ZBTB38: variants seen among roughly 807,000 people sequenced by gnomAD.
ZBTB38 encodes the protein zinc finger and BTB domain-containing protein 38.
A neutral mutation model predicts 76.8 loss-of-function variants in ZBTB38; 20 were observed. That is an observed-to-expected ratio of 0.26 (90% CI 0.18 to 0.38). The LOEUF is 0.38. Among genes scored for constraint, ZBTB38 ranks in the 10% least tolerant of loss-of-function variants. The pLI, the probability that ZBTB38 is intolerant of heterozygous loss-of-function variation, is 1.00. For synonymous variants in ZBTB38, 504 were observed against 544.2 expected (o/e 0.93, Z 1.03); for missense variants, 1,082 against 1,482.3 (o/e 0.73, Z 4.43).
At chr3:141,418,484 T>A (rs1469926614) in intron 5 of ZBTB38, among the ~76,000 whole-genome samples, 1 of 152,166 alleles carries the variant, frequency 6.6e-6, no homozygotes, top group Non-Finnish European at 1.5e-5. Context: ...GGATGCCCCA[T>A]CAGTGAAGCA....
chr3:141,341,125 A>G (rs1943186315), intron 1 of ZBTB38, among the ~76,000 whole-genome samples: 2 of 152,204 alleles, frequency 1.3e-5, no homozygotes, highest in South Asian at 4.1e-4. Context: ...ATCCTCTATG[A>G]TGGCTATAAT....
intron 4 of ZBTB38, among the ~76,000 whole-genome samples, chr3:141,398,051 C>T (rs946326521): frequency 9.9e-5 from 15 of 152,284 alleles, no homozygotes; most frequent in South Asian, 8.3e-4. Flanking sequence ...TGCAATAAAA[C>T]GAGCTATGTT....
rs574600051 is a variant in ZBTB38 at position 141,371,409 on chromosome 3, G to A, written c.-235+1463G>A. ...ACTCTGTCACCCAGGCTGGAGTGCA[G>A]TGGCACGATCATGGCTCACTGCAGC... On this transcript the variant is annotated intron_variant, in intron 2 of 5. Transcript: ENST00000321464. Among the ~76,000 whole-genome samples, 7 of 151,214 alleles carry A rather than the reference G, an allele frequency of 4.6e-5. No homozygotes were observed. The South Asian group carries it at 1.5e-3, about 32-fold the overall frequency.
At chr3:141,333,342 A>G (rs1370232549) in intron 1 of ZBTB38, among the ~76,000 whole-genome samples, 1 of 152,044 alleles carries the variant, frequency 6.6e-6, no homozygotes, top group Non-Finnish European at 1.5e-5. Context: ...AGTCACTCAC[A>G]TGGTTGGTTG....
At chr3:141,328,887 A>C (rs1942757281) in intron 1 of ZBTB38, among the ~76,000 whole-genome samples, 1 of 150,778 alleles carries the variant, frequency 6.6e-6, no homozygotes, top group Non-Finnish European at 1.5e-5. Flanking sequence ...CCCATGTCCT[A>C]CTCCTACTTG....
intron 2 of ZBTB38, among the ~76,000 whole-genome samples, chr3:141,380,085 C>G (rs184224242): frequency 2.5e-4 from 38 of 152,232 alleles, no homozygotes; most frequent in African/African-American, 8.4e-4. Flanking sequence ...GAGCAGAATG[C>G]TAGAAATTAA....
chr3:141,418,013 A>C (rs2074468324), intron 5 of ZBTB38, among the ~76,000 whole-genome samples: 1 of 152,180 alleles, frequency 6.6e-6, no homozygotes, highest in Non-Finnish European at 1.5e-5. Flanking sequence ...ACTCATCTCA[A>C]AAAAATAAAT....
intron 1 of ZBTB38, among the ~76,000 whole-genome samples, chr3:141,354,052 A>C (rs1440281462): frequency 1.3e-5 from 2 of 152,108 alleles, no homozygotes; most frequent in African/African-American, 4.8e-5. Flanking sequence ...TAAGTCAATA[A>C]TCCCTTCACA....
Position 141,443,822 on chromosome 3 carries a change from T to C in ZBTB38, c.1434T>C (p.His478=). 9 of 1,614,000 alleles carry C rather than the reference T, an allele frequency of 5.6e-6. No homozygotes were observed. The highest frequency in any genetic ancestry group is 2.2e-5 in the East Asian group (1 of 44,892). The part of the protein sequence containing the change: ...SYVTLSSLRR[H]ANVHSWRRTY... ...TGACCTTATCTAGCCTCCGAAGACA[T>C]GCAAATGTTCACTCCTGGAGAAGAA... Residue 478 remains histidine (H), a synonymous_variant, in exon 6 of 6, where the codon CAT becomes CAC. Transcript: ENST00000321464. This position sits in a 1 kb window ranked among gnomAD's most constrained non-coding sequence, Gnocchi z 5.6.
intron 1 of ZBTB38, among the ~76,000 whole-genome samples, chr3:141,339,151 C>T (rs920164141): frequency 1.3e-5 from 2 of 151,944 alleles, no homozygotes; most frequent in Non-Finnish European, 1.5e-5. Context: ...TGCAAAGGCT[C>T]TAAGGCAGGA....
chr3:141,327,883 G>A (rs952317639), intron 1 of ZBTB38, among the ~76,000 whole-genome samples: 3 of 152,140 alleles, frequency 2.0e-5, no homozygotes, highest in Non-Finnish European at 4.4e-5. Context: ...CCAGGGAAAC[G>A]ACTGGTTGGA....
chr3:141,365,949 T>C (rs1211701539), upstream of ZBTB38, among the ~76,000 whole-genome samples: 1 of 152,218 alleles, frequency 6.6e-6, no homozygotes, highest in East Asian at 1.9e-4. Flanking sequence ...TCAACAAGTA[T>C]AGACAAGTCT....
chr3:141,428,685 A>G (rs1559954350), intron 5 of ZBTB38, among the ~76,000 whole-genome samples: 2 of 152,176 alleles, frequency 1.3e-5, no homozygotes, highest in Non-Finnish European at 2.9e-5. Context: ...CATGTTGGTC[A>G]GGCTTGTCTC....
chr3:141,413,389 A>G lies in ZBTB38; in HGVS notation c.-1+9358A>G, dbSNP rs1031188107. Reference sequence around the variant, plus strand: ...TGAAATCTGCTTCCTGGGTTTAGCCACCATTTTCATTGAGCAGTTCTGAGG... The same window carrying G: ...TGAAATCTGCTTCCTGGGTTTAGCCGCCATTTTCATTGAGCAGTTCTGAGG... On this transcript the variant is annotated intron_variant, in intron 5 of 5. Coordinates refer to ENST00000321464, the MANE Select transcript of ZBTB38 (RefSeq NM_001376113.1). This position sits in a 1 kb window ranked among gnomAD's most constrained non-coding sequence, Gnocchi z 4.1. 3.3e-5 allele frequency among the ~76,000 whole-genome samples: 5 copies of G among 152,112 alleles called. No homozygotes were observed. Among genetic ancestry groups the G allele is most frequent in the African/African-American group, 9.7e-5 (4 of 41,434 alleles).
At chr3:141,435,533 G>C (rs2078572300) in intron 5 of ZBTB38, among the ~76,000 whole-genome samples, 1 of 151,730 alleles carries the variant, frequency 6.6e-6, no homozygotes, top group African/African-American at 2.4e-5. Flanking sequence ...CTGAGGTGGT[G>C]GGCAGATTAC....
intron 5 of ZBTB38, among the ~76,000 whole-genome samples, chr3:141,408,846 C>T (rs996686917): frequency 1.3e-5 from 2 of 152,170 alleles, no homozygotes; most frequent in Non-Finnish European, 2.9e-5. Flanking sequence ...GGCCTGGAGC[C>T]TTTCCTAGAA....
At chr3:141,432,135 C>T (rs1006935676) in intron 5 of ZBTB38, 84 of 985,320 alleles carry the variant, frequency 8.5e-5, no homozygotes, top group South Asian at 1.4e-4. Flanking sequence ...TATCCTTTGT[C>T]GGAAAACTTT....
intron 2 of ZBTB38, among the ~76,000 whole-genome samples, chr3:141,375,818 A>G (rs977873079): frequency 1.3e-5 from 2 of 152,212 alleles, no homozygotes; most frequent in African/African-American, 4.8e-5. Context: ...GTGACCTCAC[A>G]GTCAGGGGAG....
chr3:141,345,873 AC>A (rs1318620058), intron 1 of ZBTB38, among the ~76,000 whole-genome samples: 1 of 151,592 alleles, frequency 6.6e-6, no homozygotes, highest in Non-Finnish European at 1.5e-5. Flanking sequence ...AACTGAAGAC[AC>A]CCCCATGGAT....
Sources: gnomAD v4.1 joint callset for allele counts (sites outside exome capture counted in the v4.1 genomes callset) on GRCh38, gnomAD v4.1.1 for gene constraint, Gnocchi (gnomAD v3.1) non-coding constraint, MANE v1.5 for transcripts, NCBI Gene and HGNC (gene_info 2026-07-23, HGNC 2026-07-21) for gene names.